RNF130: variants seen among roughly 807,000 people sequenced by gnomAD.
RNF130 encodes ring finger protein 130, also known as E3 ubiquitin-protein ligase RNF130.
In RNF130, 21 loss-of-function variants were observed where a neutral mutation model predicts 44.6. The ratio of observed to expected loss-of-function variants is 0.47; its 90% CI spans 0.33 to 0.68. RNF130 has a LOEUF of 0.68. Among genes scored for constraint, RNF130 ranks in the 30% least tolerant of loss-of-function variants. RNF130 has a pLI of 0.02. For synonymous variants in RNF130, 214 were observed against 210.4 expected, an observed-to-expected ratio of 1.02 and a Z score of -0.15; for missense variants, 479 against 560.6, an observed-to-expected ratio of 0.85 and a Z score of 1.47.
chr5:179,927,153 A>T (rs1478026159), intron 7 of RNF130, among the ~76,000 whole-genome samples: 4 of 152,202 alleles, frequency 2.6e-5, no homozygotes, highest in African/African-American at 9.6e-5. Context: ...TCAGAACTTA[A>T]GTCAGTAATC....
intron 2 of RNF130, among the ~76,000 whole-genome samples, chr5:180,017,331 C>A (rs1162040011): frequency 1.3e-5 from 2 of 152,118 alleles, no homozygotes; most frequent in Non-Finnish European, 2.9e-5. Flanking sequence ...TTTTTGGTGG[C>A]AAATTTTATG....
chr5:179,978,314 T>G, intron 4 of RNF130, 29 bp from the exon 5 acceptor site: 1 of 1,459,240 alleles, frequency 6.9e-7, no homozygotes, highest in Non-Finnish European at 9.6e-7. Context: ...AAACAAAAAG[T>G]CACACGCTGC....
chr5:180,021,918 G>A (rs147188634), intron 2 of RNF130, among the ~76,000 whole-genome samples: 4 of 152,222 alleles, frequency 2.6e-5, no homozygotes, highest in East Asian at 3.9e-4. Flanking sequence ...ACACTCAGTC[G>A]TCACGTCATA....
intron 1 of RNF130, among the ~76,000 whole-genome samples, chr5:180,063,729 G>T (rs1765038706): frequency 6.6e-6 from 1 of 152,190 alleles, no homozygotes; most frequent in Non-Finnish European, 1.5e-5. Context: ...TAACATGTCT[G>T]ATCTCAAACC....
chr5:179,978,149 G>A (rs1294423773), intron 5 of RNF130, 54 bp downstream of exon 5: 9 of 1,428,220 alleles, frequency 6.3e-6, no homozygotes, highest in Non-Finnish European at 5.9e-6. Context: ...CTGAAAAGGA[G>A]GCATACAAAG....
intron 5 of RNF130, among the ~76,000 whole-genome samples, chr5:179,973,551 C>T (rs1376268215): frequency 6.6e-6 from 1 of 152,220 alleles, no homozygotes; most frequent in African/African-American, 2.4e-5. Context: ...TGCAACACAG[C>T]ATGTGGGCCA....
chr5:179,970,927 T>C (rs932067684), intron 5 of RNF130, among the ~76,000 whole-genome samples: 2 of 152,260 alleles, frequency 1.3e-5, no homozygotes, highest in African/African-American at 4.8e-5. Flanking sequence ...ATTAGTTTTT[T>C]GGCACCCTGA....
intron 2 of RNF130, among the ~76,000 whole-genome samples, chr5:180,015,746 A>AGGAAAGGAGGAG (rs1561693601): frequency 2.8e-5 from 3 of 105,662 alleles, no homozygotes; most frequent in Admixed American, 9.3e-5. Context: ...GAAAAGGAGT[A>AGGAAAGGAGGAG]GGAAAGGAGT....
intron 5 of RNF130, among the ~76,000 whole-genome samples, chr5:179,974,864 C>T (rs1160364588): frequency 6.6e-6 from 1 of 152,218 alleles, no homozygotes; most frequent in Admixed American, 6.5e-5. Flanking sequence ...CGGCATGGAC[C>T]GCAGCAGACG....
chr5:180,050,499 A>G (rs1207616667), intron 1 of RNF130, among the ~76,000 whole-genome samples: 2 of 152,204 alleles, frequency 1.3e-5, no homozygotes, highest in African/African-American at 4.8e-5. Flanking sequence ...CCTGACCGAA[A>G]CACAAGAATT....
At chr5:179,914,221 G>C (rs1054276895) in exon 8 of RNF130, 1 of 152,270 alleles carries the variant, frequency 6.6e-6, no homozygotes. Context: ...ACCAGACCTG[G>C]GAGGGGAAGG....
chr5:180,008,513 A>C (rs1024977644), intron 3 of RNF130, among the ~76,000 whole-genome samples: 1 of 152,220 alleles, frequency 6.6e-6, no homozygotes, highest in African/African-American at 2.4e-5. Flanking sequence ...AACTTCAAGA[A>C]ACAGAAGAGA....
intron 1 of RNF130, among the ~76,000 whole-genome samples, chr5:180,069,239 G>A (rs13162328): frequency 0.6 from 91,303 of 152,024 alleles, 27,962 homozygotes; most frequent in South Asian, 0.74. Context: ...TCATAGAGAC[G>A]GATTTTTTTA....
downstream of RNF130, among the ~76,000 whole-genome samples, chr5:179,952,542 G>A (rs1475792291): frequency 6.6e-6 from 1 of 152,162 alleles, no homozygotes; most frequent in African/African-American, 2.4e-5. Context: ...ATAAGGACAT[G>A]ATAAGAATTA....
At chr5:179,984,202 A>G (rs1224304684) in intron 3 of RNF130, among the ~76,000 whole-genome samples, 4 of 152,214 alleles carry the variant, frequency 2.6e-5, no homozygotes, top group African/African-American at 9.6e-5. Flanking sequence ...AAATTTCTAC[A>G]GAAAATAATG....
intron 3 of RNF130, among the ~76,000 whole-genome samples, chr5:179,981,634 CT>C (rs1762843831): frequency 6.6e-6 from 1 of 152,318 alleles, no homozygotes; most frequent in African/African-American, 2.4e-5. Context: ...CACTAAGCAC[CT>C]CTAATAGACA....
chr5:179,997,196 C>T (rs191510684), intron 3 of RNF130, among the ~76,000 whole-genome samples: 1,647 of 152,258 alleles, frequency 0.011, 31 homozygotes, highest in African/African-American at 0.037. Context: ...GGCTGGAGTG[C>T]AGTGGCGTGA....
intron 2 of RNF130, among the ~76,000 whole-genome samples, chr5:180,029,875 G>T (rs1764088141): frequency 6.8e-6 from 1 of 147,796 alleles, no homozygotes; most frequent in South Asian, 2.1e-4. Flanking sequence ...TTGAGACAAG[G>T]TCTTGCTTTG....
chr5:180,025,786 T>C (rs777413526), intron 2 of RNF130, among the ~76,000 whole-genome samples: 4 of 152,238 alleles, frequency 2.6e-5, no homozygotes, highest in Admixed American at 1.3e-4. Context: ...GTTAAATCCA[T>C]ATTCAATTAG....
Sources: gnomAD v4.1 joint callset for allele counts (sites outside exome capture counted in the v4.1 genomes callset) on GRCh38, gnomAD v4.1.1 for gene constraint, MANE v1.5 for transcripts, NCBI Gene and HGNC (gene_info 2026-07-23, HGNC 2026-07-21) for gene names.